The following PHACTR4 variants were observed in gnomAD, a reference collection of about 807,000 sequenced individuals.
PHACTR4 encodes phosphatase and actin regulator 4.
A neutral mutation model predicts 72.7 loss-of-function variants in PHACTR4; 51 were observed. The ratio of observed to expected loss-of-function variants is 0.70; its 90% CI spans 0.56 to 0.89. The LOEUF is 0.89. Among genes scored for constraint, PHACTR4 ranks in the 40% least tolerant of loss-of-function variants. The pLI, the probability that PHACTR4 is intolerant of heterozygous loss-of-function variation, is 0.00. For missense variants in PHACTR4, 731 were observed against 861.8 expected (o/e 0.85, Z 1.90); for synonymous variants, 255 against 302.5 (o/e 0.84, Z 1.63).
chr1:28,451,253 C>T (rs1569994998), intron 2 of PHACTR4, among the ~76,000 whole-genome samples: 1 of 151,984 alleles, frequency 6.6e-6, no homozygotes, highest in South Asian at 2.1e-4. Flanking sequence ...TGCATCCAGC[C>T]TACTCTTTGT....
At chr1:28,416,051 T>C (rs1024462960) in intron 2 of PHACTR4, among the ~76,000 whole-genome samples, 3 of 152,210 alleles carry the variant, frequency 2.0e-5, no homozygotes, top group Non-Finnish European at 4.4e-5. Flanking sequence ...TTTGATGTTA[T>C]GTTGTTATCA....
intron 2 of PHACTR4, among the ~76,000 whole-genome samples, chr1:28,433,941 C>T (rs968134501): frequency 7.2e-5 from 11 of 152,046 alleles, no homozygotes; most frequent in East Asian, 5.8e-4. Context: ...CCACCACGCC[C>T]GGCTAATATT....
chr1:28,409,307 G>A (rs896006359), intron 2 of PHACTR4, among the ~76,000 whole-genome samples: 1 of 151,878 alleles, frequency 6.6e-6, no homozygotes, highest in Non-Finnish European at 1.5e-5. Flanking sequence ...TAAAGAGGCT[G>A]TTGCATTCAG....
chr1:28,412,018 C>A (rs1476805731), intron 2 of PHACTR4, among the ~76,000 whole-genome samples: 6 of 152,036 alleles, frequency 3.9e-5, no homozygotes, highest in Non-Finnish European at 1.5e-5. Flanking sequence ...TCTCTAGGAC[C>A]TTTTCTACCT....
intron 2 of PHACTR4, among the ~76,000 whole-genome samples, chr1:28,446,689 G>T (rs1455957444): frequency 1.3e-5 from 2 of 152,114 alleles, no homozygotes; most frequent in African/African-American, 4.8e-5. Context: ...TGAGGCAGGA[G>T]AATCCCTTGA....
chr1:28,453,765 G>T (rs1658154854), intron 2 of PHACTR4: 1 of 1,032,082 alleles, frequency 9.7e-7, no homozygotes, highest in African/African-American at 1.6e-5. Flanking sequence ...ATTAAAAAAA[G>T]AGGTTTCAGC....
chr1:28,452,410 G>A (rs1003145035), intron 2 of PHACTR4, among the ~76,000 whole-genome samples: 1 of 152,236 alleles, frequency 6.6e-6, no homozygotes, highest in South Asian at 2.1e-4. Context: ...GACAGCTGAG[G>A]TGGGAGGATC....
At chr1:28,416,599 A>C (rs191066203) in intron 2 of PHACTR4, among the ~76,000 whole-genome samples, 23 of 152,260 alleles carry the variant, frequency 1.5e-4, no homozygotes, top group Admixed American at 1.3e-3. Context: ...TCCTCTCACC[A>C]CTTTTTATCA....
chr1:28,388,573 T>G (rs552305444), intron 1 of PHACTR4, among the ~76,000 whole-genome samples: 2 of 152,120 alleles, frequency 1.3e-5, no homozygotes, highest in African/African-American at 4.8e-5. Flanking sequence ...CAACTCTGGC[T>G]GGGCACGGTG....
chr1:28,433,938 G>T (rs1021468291), intron 2 of PHACTR4, among the ~76,000 whole-genome samples: 1 of 151,678 alleles, frequency 6.6e-6, no homozygotes, highest in Non-Finnish European at 1.5e-5. Flanking sequence ...CCGCCACCAC[G>T]CCCGGCTAAT....
At chr1:28,416,508 C>T (rs574494709) in intron 2 of PHACTR4, among the ~76,000 whole-genome samples, 1 of 152,208 alleles carries the variant, frequency 6.6e-6, no homozygotes, top group East Asian at 1.9e-4. Context: ...TTTTTTCTGT[C>T]AGTAGAAAAA....
chr1:28,385,370 C>T (rs936896348), intron 1 of PHACTR4, among the ~76,000 whole-genome samples: 5 of 151,632 alleles, frequency 3.3e-5, no homozygotes, highest in African/African-American at 4.8e-5. Flanking sequence ...ATGGTAGAAC[C>T]CCATCTCTAC....
At chr1:28,445,526 CTAAT>C (rs1228692730) in intron 2 of PHACTR4, among the ~76,000 whole-genome samples, 2 of 151,718 alleles carry the variant, frequency 1.3e-5, no homozygotes, top group African/African-American at 4.9e-5. Flanking sequence ...CCCTAATTCA[CTAAT>C]TAACTTTTCC....
intron 10 of PHACTR4, 57 bp from the exon 11 acceptor site, chr1:28,490,894 T>C: frequency 6.7e-7 from 1 of 1,503,160 alleles, no homozygotes; most frequent in Admixed American, 1.7e-5. Context: ...CTAAAACGTT[T>C]GATATGCAAA....
At chr1:28,480,084 T>G (rs1027880639) in intron 8 of PHACTR4, among the ~76,000 whole-genome samples, 3 of 152,224 alleles carry the variant, frequency 2.0e-5, no homozygotes, top group African/African-American at 7.2e-5. Context: ...TTAATTGAAG[T>G]AGAAAGGCAG....
At position 28,383,465 on chromosome 1, in the gene PHACTR4, A is replaced by T. The variant is rs542088821; in HGVS notation, c.-39+13640A>T. On this transcript the variant is annotated intron_variant, in intron 1 of 13. Coordinates refer to ENST00000373839, the MANE Select transcript of PHACTR4 (RefSeq NM_001048183.3). The stretch of plus-strand genomic sequence containing the variant: ...CAGTGCGGCCCTTTTAACAATATTG[A>T]TTCTTCCTATCCATAGGCATGGGAC... Among the ~76,000 whole-genome samples the T allele has an allele frequency of 2.0e-5, 3 of 152,132 alleles. No homozygotes were observed. In the South Asian group the frequency reaches 6.2e-4, roughly 32 times the overall value.
chr1:28,440,307 G>GAAAAAAAAAAAAAAAAAAA (rs1206889147), intron 2 of PHACTR4, among the ~76,000 whole-genome samples: 1 of 82,116 alleles, frequency 1.2e-5, no homozygotes, highest in African/African-American at 4.9e-5. Flanking sequence ...GTCTCAAAAA[G>GAAAAAAAAAAAAAAAAAAA]AAAAAAAAAA....
At chr1:28,394,419 G>A (rs1653316983) in intron 1 of PHACTR4, among the ~76,000 whole-genome samples, 2 of 151,936 alleles carry the variant, frequency 1.3e-5, no homozygotes, top group Admixed American at 1.3e-4. Context: ...CTGAATAGCT[G>A]GGACAACAGA....
chr1:28,482,021 C>T (rs1660316566), intron 9 of PHACTR4, among the ~76,000 whole-genome samples: 1 of 151,986 alleles, frequency 6.6e-6, no homozygotes. Context: ...CCTCAGCCTC[C>T]TGAGTAGCTG....
Sources: allele counts gnomAD v4.1 joint callset (sites outside exome capture counted in the v4.1 genomes callset), GRCh38; gene constraint gnomAD v4.1.1; transcripts MANE v1.5; gene names NCBI Gene and HGNC (gene_info 2026-07-23, HGNC 2026-07-21).